The following LIMCH1 variants were observed in gnomAD, a reference collection of about 807,000 sequenced individuals.
LIMCH1 encodes the protein LIM and calponin homology domains-containing protein 1.
LIMCH1 carries 113 observed loss-of-function variants against 176.5 expected under a neutral mutation model. That is an observed-to-expected ratio of 0.64 (90% CI 0.55 to 0.75). LIMCH1 has a LOEUF of 0.75. Among genes scored for constraint, LIMCH1 ranks in the 30% least tolerant of loss-of-function variants. The pLI, the probability that LIMCH1 is intolerant of heterozygous loss-of-function variation, is 0.00. For synonymous variants in LIMCH1, 619 were observed against 645.9 expected, an observed-to-expected ratio of 0.96 and a Z score of 0.63; for missense variants, 1,674 against 1,814.9, an observed-to-expected ratio of 0.92 and a Z score of 1.41.
chr4:41,450,470 CAAAGTT>C lies in LIMCH1; in HGVS notation c.97-44061_97-44056del, dbSNP rs2063741993. On this transcript the variant is annotated intron_variant, in intron 1 of 26. Coordinates refer to the LIMCH1 transcript ENST00000313860. ...AATTTGCTGCATGAGTAGAGGGAAT[CAAAGTT>C]AAAGAACATTTAATTTAGCAACGTA... Among the ~76,000 whole-genome samples the C allele has an allele frequency of 3.3e-5, 5 of 152,056 alleles. No homozygotes were observed. In the South Asian group the frequency reaches 1.0e-3, roughly 32 times the overall value.
In LIMCH1 at chr4:41,626,751, G is replaced by T. The variant is rs2092979688; in HGVS notation, c.769G>T (p.Val257Phe). 6.5e-7 allele frequency: 1 copy of T among 1,536,348 alleles called. No individual in the cohort carries two copies. Residue 257 changes from valine (V) to phenylalanine (F), a missense_variant, in exon 8 of 32, where the codon GTC becomes TTC. Transcript: ENST00000503057. ...SEEKEAIRDI[V>F]LRKENSFLTH... ...AGAGAAAGAAGCTATTCGTGATATTGTCCTTCGCAAAGAAAACTCTTTCCT... is the reference window on the plus strand; with the variant it reads ...AGAGAAAGAAGCTATTCGTGATATTTTCCTTCGCAAAGAAAACTCTTTCCT...
chr4:41,474,463 G>C (rs1472028842), intron 1 of LIMCH1, among the ~76,000 whole-genome samples: 1 of 152,180 alleles, frequency 6.6e-6, no homozygotes, highest in Non-Finnish European at 1.5e-5. Context: ...GTCCAGCCTG[G>C]GCGACAGAGT....
chr4:41,402,766 A>G (rs1250685427), intron 1 of LIMCH1, among the ~76,000 whole-genome samples: 2 of 147,290 alleles, frequency 1.4e-5, no homozygotes, highest in Non-Finnish European at 3.0e-5. Context: ...CATAGATGAG[A>G]ATTGAACAAT....
chr4:41,444,031 C>T (rs1474485882), intron 1 of LIMCH1, among the ~76,000 whole-genome samples: 1 of 152,104 alleles, frequency 6.6e-6, no homozygotes, highest in Non-Finnish European at 1.5e-5. Flanking sequence ...ATGGACAGTG[C>T]AGATATTCCT....
intron 5 of LIMCH1, among the ~76,000 whole-genome samples, chr4:41,616,636 A>G (rs2092114592): frequency 6.6e-6 from 1 of 151,954 alleles, no homozygotes; most frequent in African/African-American, 2.4e-5. Context: ...GTAGATTTCC[A>G]TGTTCACAGG....
At chr4:41,689,857 A>C in intron 30 of LIMCH1, 1 of 409,276 alleles carries the variant, frequency 2.4e-6, no homozygotes, top group South Asian at 3.7e-5. Context: ...TGTCCTTACA[A>C]AACAGTTTTT....
intron 1 of LIMCH1, among the ~76,000 whole-genome samples, chr4:41,547,623 T>C (rs2079654153): frequency 6.8e-6 from 1 of 146,666 alleles, no homozygotes; most frequent in Non-Finnish European, 1.5e-5. Context: ...AATATACAGA[T>C]ATTATAAATA....
At chr4:41,556,940 C>T (rs1404536601) in intron 1 of LIMCH1, among the ~76,000 whole-genome samples, 1 of 152,150 alleles carries the variant, frequency 6.6e-6, no homozygotes, top group Non-Finnish European at 1.5e-5. Context: ...ATTTGGCATA[C>T]AGCATCCAGC....
chr4:41,620,477 A>G lies in LIMCH1; in HGVS notation c.512A>G (p.Asp171Gly). 1 of 1,536,230 alleles carries G rather than the reference A, an allele frequency of 6.5e-7. No homozygotes were observed. Among genetic ancestry groups the G allele is most frequent in the African/African-American group, 1.4e-5 (1 of 73,166 alleles). Residue 171 changes from aspartate to glycine, a missense_variant, in exon 7 of 32, where the codon GAC (aspartate) becomes GGC (glycine). Physicochemically the swap from Asp to Gly is moderately conservative, Grantham distance 94. Transcript: ENST00000503057. ...AGTGAAGTGGGGTCTGCTGGTGAAG[A>G]CAACCCAGCTGGCCAAATGAATCCT... ...EGSEVGSAGE[D>G]NPAGQMNPGW...
intron 1 of LIMCH1, among the ~76,000 whole-genome samples, chr4:41,401,629 GC>G (rs2058451664): frequency 6.6e-6 from 1 of 151,892 alleles, no homozygotes; most frequent in Non-Finnish European, 1.5e-5. Flanking sequence ...GGGCAGTATG[GC>G]CATTTTCACG....
intron 1 of LIMCH1, among the ~76,000 whole-genome samples, chr4:41,553,996 T>C (rs2080897198): frequency 6.6e-6 from 1 of 152,182 alleles, no homozygotes; most frequent in Admixed American, 6.5e-5. Context: ...TGTGGTGTGG[T>C]GGCCAGCTTT....
rs757598326 is a variant in LIMCH1 at position 41,697,229 on chromosome 4, G to A, written c.*44G>A. On this transcript the variant is annotated 3_prime_UTR_variant, in exon 32 of 32. Coordinates refer to ENST00000503057, the MANE Select transcript of LIMCH1 (RefSeq NM_001330672.2). Reference sequence around the variant, plus strand: ...GGATCACTCACCATTTCTTTACTGAGAGTGTCCCCTGGCAACTGCTTAACA... The same window carrying A: ...GGATCACTCACCATTTCTTTACTGAAAGTGTCCCCTGGCAACTGCTTAACA... 2.5e-6 allele frequency: 4 copies of A among 1,597,586 alleles called. No homozygotes were observed. The highest frequency in any genetic ancestry group is 3.4e-6 in the Non-Finnish European group (4 of 1,165,458).
chr4:41,432,260 G>A (rs2061670837), intron 1 of LIMCH1, among the ~76,000 whole-genome samples: 1 of 152,172 alleles, frequency 6.6e-6, no homozygotes, highest in African/African-American at 2.4e-5. Flanking sequence ...AAAAATAACA[G>A]GGTGTATTGT....
intron 1 of LIMCH1, among the ~76,000 whole-genome samples, chr4:41,556,020 C>T (rs892682763): frequency 4.6e-5 from 7 of 152,088 alleles, no homozygotes; most frequent in African/African-American, 1.7e-4. Flanking sequence ...GTTGGGATTA[C>T]AGGTGTGAGC....
chr4:41,360,733 C>CG (rs2051851860), upstream of LIMCH1: 1 of 668,786 alleles, frequency 1.5e-6, no homozygotes, highest in Middle Eastern at 4.7e-4. The surrounding 1 kb of genome is among the most constrained non-coding windows in gnomAD (Gnocchi z 4.5). Flanking sequence ...CGGGGAGAGG[C>CG]GGGGAGGGGA....
At chr4:41,660,367 C>A (rs1457900804) in intron 18 of LIMCH1, among the ~76,000 whole-genome samples, 1 of 152,090 alleles carries the variant, frequency 6.6e-6, no homozygotes, top group Non-Finnish European at 1.5e-5. Context: ...GGAACACAAG[C>A]ATTAGAGTAA....
intron 1 of LIMCH1, among the ~76,000 whole-genome samples, chr4:41,373,626 T>G (rs1381858265): frequency 1.3e-5 from 2 of 152,232 alleles, no homozygotes; most frequent in African/African-American, 4.8e-5. Flanking sequence ...AAACTCTTAT[T>G]ACTCCCATTA....
At position 41,676,414 on chromosome 4, in the gene LIMCH1, GC is replaced by G; in HGVS notation, c.3472del (p.Arg1158AlafsTer26). ...TCTGGGCATGGGACCCAGAAGAGGA[GC>G]GCAGGCGACAGGAAAAATGGCAACA... ...KFWAWDPEEE[R>X]RRQEKWQQEQ... On this transcript the variant is annotated frameshift_variant, in exon 23 of 32. Transcript: ENST00000503057. LOFTEE classifies it high-confidence loss of function. 6.2e-7 allele frequency: 1 copy of G among 1,614,044 alleles called. No homozygotes were observed.
chr4:41,527,545 G>A (rs545236720), intron 3 of LIMCH1, among the ~76,000 whole-genome samples: 43 of 152,180 alleles, frequency 2.8e-4, no homozygotes, highest in Non-Finnish European at 5.4e-4. Context: ...ATACTGCCCC[G>A]TCCTCGGCCG....
Sources: gnomAD v4.1 joint callset for allele counts (sites outside exome capture counted in the v4.1 genomes callset) on GRCh38, gnomAD v4.1.1 for gene constraint, Gnocchi (gnomAD v3.1) non-coding constraint, MANE v1.5 for transcripts, NCBI Gene and HGNC (gene_info 2026-07-23, HGNC 2026-07-21) for gene names.